The following ESRRG variants were observed in gnomAD, a reference collection of about 807,000 sequenced individuals.
ESRRG encodes estrogen-related receptor gamma.
In ESRRG, 13 loss-of-function variants were observed where a neutral mutation model predicts 44.0. The ratio of observed to expected loss-of-function variants is 0.30; its 90% CI spans 0.19 to 0.47. The LOEUF is 0.47. Ranked by LOEUF, ESRRG falls within the 20% of genes least tolerant of loss-of-function variation. ESRRG has a pLI of 1.00. For synonymous variants in ESRRG, 215 were observed against 214.6 expected (o/e 1.00, Z -0.02); for missense variants, 395 against 580.6 (o/e 0.68, Z 3.29).
At chr1:216,629,209 G>T (rs531934866) in intron 3 of ESRRG, among the ~76,000 whole-genome samples, 10 of 152,206 alleles carry the variant, frequency 6.6e-5, no homozygotes, top group Admixed American at 2.0e-4. Flanking sequence ...ATATATCTTT[G>T]CTAAATAAGT....
chr1:217,100,383 C>G (rs1179012843), intron 1 of ESRRG, among the ~76,000 whole-genome samples: 1 of 152,164 alleles, frequency 6.6e-6, no homozygotes, highest in Non-Finnish European at 1.5e-5. Context: ...AATGATGGAT[C>G]ACCCCAGGTG....
At chr1:216,822,179 A>G (rs1019206420) in intron 2 of ESRRG, among the ~76,000 whole-genome samples, 3 of 152,222 alleles carry the variant, frequency 2.0e-5, no homozygotes, top group African/African-American at 7.2e-5. Context: ...ACCTCTGCAT[A>G]GAAATGTACT....
chr1:216,916,304 A>T (rs1490372176), intron 2 of ESRRG, among the ~76,000 whole-genome samples: 1 of 152,132 alleles, frequency 6.6e-6, no homozygotes, highest in African/African-American at 2.4e-5. Context: ...AAATCTTTTG[A>T]TCACCATTTG....
Position 216,507,091 on chromosome 1 carries a change from C to G in ESRRG, c.1225G>C (p.Glu409Gln). 6.2e-7 allele frequency: 1 copy of G among 1,614,072 alleles called. No homozygotes were observed. The highest frequency in any genetic ancestry group is 1.1e-5 in the South Asian group (1 of 91,068). ...ATCTTGCCAGCTCGACGAGGGTCTT[C>G]CATGTGCTGGCCAGCTTCATAATCC... ...LQDYEAGQHM[E>Q]DPRRAGKMLM... is the part of the protein sequence containing the mutation. Residue 409 changes from glutamate to glutamine, a missense_variant, in exon 7 of 7, where the codon GAA (glutamate) becomes CAA (glutamine). Glu to Gln is a conservative substitution (Grantham distance 29). Coordinates refer to ENST00000408911, the MANE Select transcript of ESRRG (RefSeq NM_001438.4).
chr1:216,745,191 C>T (rs545928196), intron 2 of ESRRG, among the ~76,000 whole-genome samples: 1 of 152,184 alleles, frequency 6.6e-6, no homozygotes, highest in Non-Finnish European at 1.5e-5. Context: ...TCGAGTCTCA[C>T]TCTGTCACCC....
chr1:217,103,080 G>A (rs1580581658), intron 1 of ESRRG, among the ~76,000 whole-genome samples: 2 of 152,286 alleles, frequency 1.3e-5, no homozygotes, highest in East Asian at 3.9e-4. Context: ...AGGGGTTTAG[G>A]TACCCAGTCT....
At chr1:216,538,061 CTAAGTATTTCTTTAA>C (rs2051533901) in intron 5 of ESRRG, among the ~76,000 whole-genome samples, 1 of 151,988 alleles carries the variant, frequency 6.6e-6, no homozygotes, top group Non-Finnish European at 1.5e-5. Flanking sequence ...ATATTTTTCT[CTAAGTATTTCTTTAA>C]TAACCTCAAA....
chr1:217,123,588 A>G (rs2092850192), intron 1 of ESRRG, among the ~76,000 whole-genome samples: 1 of 152,174 alleles, frequency 6.6e-6, no homozygotes, highest in African/African-American at 2.4e-5. Context: ...AAAGAATGAG[A>G]TCATGTCCTT....
chr1:216,914,436 A>G (rs192482406), intron 2 of ESRRG, among the ~76,000 whole-genome samples: 1 of 152,280 alleles, frequency 6.6e-6, no homozygotes, highest in East Asian at 1.9e-4. Flanking sequence ...AGTTAAACAC[A>G]TTGCTAAGAG....
chr1:216,829,794 T>A (rs573310780), intron 2 of ESRRG, among the ~76,000 whole-genome samples: 1 of 152,148 alleles, frequency 6.6e-6, no homozygotes, highest in South Asian at 2.1e-4. Flanking sequence ...CCTCGAATGA[T>A]CCACCCTCCT....
At chr1:216,760,998 T>C (rs999591925) in intron 2 of ESRRG, among the ~76,000 whole-genome samples, 4 of 152,012 alleles carry the variant, frequency 2.6e-5, no homozygotes, top group African/African-American at 9.7e-5. Flanking sequence ...TCTCCTTTGT[T>C]CATATCGGCT....
intron 1 of ESRRG, among the ~76,000 whole-genome samples, chr1:217,030,044 C>T (rs2081830962): frequency 6.6e-6 from 1 of 152,150 alleles, no homozygotes; most frequent in Non-Finnish European, 1.5e-5. Context: ...TGTACTACAG[C>T]CCTAGATTCC....
chr1:216,773,212 T>C (rs1644242140), intron 2 of ESRRG, among the ~76,000 whole-genome samples: 2 of 152,130 alleles, frequency 1.3e-5, no homozygotes, highest in Admixed American at 6.6e-5. Context: ...GTAAATTGTG[T>C]TTGTTTTCAA....
At chr1:216,874,879 G>T (rs903503802) in intron 2 of ESRRG, among the ~76,000 whole-genome samples, 1 of 152,158 alleles carries the variant, frequency 6.6e-6, no homozygotes, top group Non-Finnish European at 1.5e-5. Flanking sequence ...TCCCATGCTG[G>T]ATACTTCCTG....
At chr1:216,579,680 GGCAATT>G (rs1354695669) in intron 3 of ESRRG, among the ~76,000 whole-genome samples, 1 of 152,106 alleles carries the variant, frequency 6.6e-6, no homozygotes, top group Non-Finnish European at 1.5e-5. Context: ...TTGTAGGATG[GGCAATT>G]GCCAGTCTAG....
intron 3 of ESRRG, among the ~76,000 whole-genome samples, chr1:216,632,614 A>T (rs1356604510): frequency 6.6e-6 from 1 of 152,214 alleles, no homozygotes; most frequent in Non-Finnish European, 1.5e-5. Context: ...TATACCAGGA[A>T]GGATTAAAAT....
intron 3 of ESRRG, among the ~76,000 whole-genome samples, chr1:216,632,086 T>C (rs187680566): frequency 6.6e-6 from 1 of 152,340 alleles, no homozygotes; most frequent in African/African-American, 2.4e-5. Flanking sequence ...AAGAATCTTA[T>C]ATTTTAGAAA....
At chr1:216,830,225 G>T (rs2095466210) in intron 2 of ESRRG, among the ~76,000 whole-genome samples, 1 of 152,156 alleles carries the variant, frequency 6.6e-6, no homozygotes, top group Admixed American at 6.5e-5. Context: ...CTCCACATCG[G>T]TGACAAATAC....
At chr1:216,689,300 T>G (rs2078622704) in intron 1 of ESRRG, among the ~76,000 whole-genome samples, 1 of 152,096 alleles carries the variant, frequency 6.6e-6, no homozygotes, top group African/African-American at 2.4e-5. Context: ...GATTACACAT[T>G]TAGTCAACTG....
Sources: allele counts gnomAD v4.1 joint callset (sites outside exome capture counted in the v4.1 genomes callset), GRCh38; gene constraint gnomAD v4.1.1; transcripts MANE v1.5; gene names NCBI Gene and HGNC (gene_info 2026-07-23, HGNC 2026-07-21).